Variants in NKAIN3 observed in about 807,000 individuals in gnomAD.
NKAIN3 encodes sodium/potassium transporting ATPase interacting 3.
NKAIN3 carries 25 observed loss-of-function variants against 30.2 expected under a neutral mutation model. The observed-to-expected ratio is 0.83, with a 90% CI of 0.60 to 1.16. The LOEUF is 1.16. NKAIN3 is among the 50% of genes most tolerant of loss of function. NKAIN3 has a pLI of 0.00. For missense variants in NKAIN3, 225 were observed against 254.1 expected, an observed-to-expected ratio of 0.89 and a Z score of 0.78; for synonymous variants, 91 against 89.6, an observed-to-expected ratio of 1.02 and a Z score of -0.09.
chr8:62,287,324 A>T (rs1192641205), intron 1 of NKAIN3, among the ~76,000 whole-genome samples: 1 of 151,962 alleles, frequency 6.6e-6, no homozygotes, highest in East Asian at 2.0e-4. Context: ...GCGTGATTTC[A>T]TGCATTAATA....
At chr8:62,257,347 C>T (rs942306390) in intron 1 of NKAIN3, among the ~76,000 whole-genome samples, 1 of 152,176 alleles carries the variant, frequency 6.6e-6, no homozygotes, top group Non-Finnish European at 1.5e-5. Flanking sequence ...TCTTAAGCTT[C>T]AGTTACTTAT....
At chr8:62,292,061 C>G (rs888366703) in intron 1 of NKAIN3, among the ~76,000 whole-genome samples, 1 of 152,180 alleles carries the variant, frequency 6.6e-6, no homozygotes, top group Admixed American at 6.5e-5. Context: ...ATTACAACCC[C>G]TGCTTTTTTT....
chr8:62,879,705 C>G (rs1417600995), intron 4 of NKAIN3, among the ~76,000 whole-genome samples: 1 of 152,140 alleles, frequency 6.6e-6, no homozygotes, highest in Non-Finnish European at 1.5e-5. Flanking sequence ...TCCCACCTAA[C>G]AGAGGGACTG....
intron 4 of NKAIN3, among the ~76,000 whole-genome samples, chr8:62,787,668 A>G (rs1177689699): frequency 6.6e-6 from 1 of 152,130 alleles, no homozygotes; most frequent in Admixed American, 6.6e-5. Context: ...TCCTAATGCT[A>G]TCCCTCCCCA....
chr8:62,349,613 A>G (rs1816119740), intron 1 of NKAIN3, among the ~76,000 whole-genome samples: 1 of 152,158 alleles, frequency 6.6e-6, no homozygotes, highest in Non-Finnish European at 1.5e-5. Flanking sequence ...TGCACGTGGT[A>G]CAGGCCTGGG....
chr8:62,656,813 C>T (rs1812776992), intron 3 of NKAIN3, among the ~76,000 whole-genome samples: 1 of 152,088 alleles, frequency 6.6e-6, no homozygotes, highest in Non-Finnish European at 1.5e-5. Context: ...AAAGAGAAAC[C>T]TGTAATGGTG....
chr8:62,863,893 A>G, intron 4 of NKAIN3: 1 of 1,390,630 alleles, frequency 7.2e-7, no homozygotes, highest in African/African-American at 1.4e-5. Context: ...CTTGCTCATC[A>G]TCTGATCCAG....
chr8:62,766,123 T>G (rs2130626850), intron 4 of NKAIN3, among the ~76,000 whole-genome samples: 1 of 152,292 alleles, frequency 6.6e-6, no homozygotes, highest in East Asian at 1.9e-4. Flanking sequence ...ATAAAACATG[T>G]TGACACAGTC....
intron 2 of NKAIN3, among the ~76,000 whole-genome samples, chr8:62,579,921 G>T (rs1810239490): frequency 6.6e-6 from 1 of 152,082 alleles, no homozygotes; most frequent in Non-Finnish European, 1.5e-5. Flanking sequence ...CAACGTAACT[G>T]AATTCAAGTT....
chr8:62,672,850 T>C (rs4738992), intron 3 of NKAIN3, among the ~76,000 whole-genome samples: 66,790 of 152,082 alleles, frequency 0.44, 18,419 homozygotes, highest in African/African-American at 0.77. Flanking sequence ...CAATTTTATC[T>C]AAAAAAATTG....
chr8:62,330,872 A>G (rs1815321695), intron 1 of NKAIN3, among the ~76,000 whole-genome samples: 1 of 151,924 alleles, frequency 6.6e-6, no homozygotes, highest in South Asian at 2.1e-4. Context: ...CAAAACACTC[A>G]TATGAGTGTT....
chr8:62,393,139 A>T (rs559715402), intron 1 of NKAIN3, among the ~76,000 whole-genome samples: 175 of 152,214 alleles, frequency 1.1e-3, no homozygotes, highest in African/African-American at 4.1e-3. Context: ...TTAAAGAACT[A>T]AAGTGTTTAC....
chr8:62,918,432 C>T (rs766291906), intron 4 of NKAIN3, 21 bp from the exon 5 acceptor site: 8 of 1,587,236 alleles, frequency 5.0e-6, no homozygotes, highest in South Asian at 1.1e-5. Flanking sequence ...TCTTAAGGTA[C>T]ACATTTTTTC....
rs55873861 is a variant in NKAIN3, at chr8:62,763,221, C to CAAA, written c.471+16130_471+16132dup. Among the ~76,000 whole-genome samples, 68 of 47,188 alleles carry CAAA rather than the reference C, an allele frequency of 1.4e-3. 16 individuals are homozygous for CAAA. Among genetic ancestry groups the CAAA allele is most frequent in the Admixed American group, 2.3e-3 (7 of 3,054 alleles). 31.0% of individuals were successfully genotyped at this position (47,188 alleles called of 152,430 possible). ...GGGCAACAAGTGCGAGACTCCGTCT[C>CAAA]AAAAAAAAAAAAAAAAAAAAAAAAA... On this transcript the variant is annotated intron_variant, in intron 4 of 6. Coordinates refer to ENST00000623646, the MANE Select transcript of NKAIN3 (RefSeq NM_001304533.3).
chr8:62,256,042 G>A (rs1812251231), intron 1 of NKAIN3, among the ~76,000 whole-genome samples: 1 of 152,134 alleles, frequency 6.6e-6, no homozygotes, highest in Admixed American at 6.5e-5. Context: ...AGGCTATTAG[G>A]AGCAAACCCA....
chr8:62,892,130 C>A (rs1821314342), intron 4 of NKAIN3, among the ~76,000 whole-genome samples: 1 of 152,114 alleles, frequency 6.6e-6, no homozygotes, highest in South Asian at 2.1e-4. Flanking sequence ...CTTAATAGTT[C>A]CTTTTTATAC....
At chr8:62,515,245 A>G (rs1366083031) in intron 1 of NKAIN3, among the ~76,000 whole-genome samples, 4 of 152,162 alleles carry the variant, frequency 2.6e-5, no homozygotes, top group Non-Finnish European at 5.9e-5. Context: ...AAGTTTCTAC[A>G]TGTATTGTTT....
intron 4 of NKAIN3, among the ~76,000 whole-genome samples, chr8:62,765,807 A>AT (rs144817351): frequency 2.0e-5 from 3 of 152,048 alleles, no homozygotes; most frequent in Non-Finnish European, 4.4e-5. Flanking sequence ...CTATAAATGA[A>AT]TTTTTTTCAT....
chr8:62,607,888 G>T, intron 3 of NKAIN3, among the ~76,000 whole-genome samples: 1 of 152,010 alleles, frequency 6.6e-6, no homozygotes, highest in South Asian at 2.1e-4. Flanking sequence ...TTTTGTATAC[G>T]TTGAAATGTA....
Sources: gnomAD v4.1 joint callset for allele counts (sites outside exome capture counted in the v4.1 genomes callset) on GRCh38, gnomAD v4.1.1 for gene constraint, MANE v1.5 for transcripts, NCBI Gene and HGNC (gene_info 2026-07-23, HGNC 2026-07-21) for gene names.